The following GPC5 variants were observed in gnomAD, a reference collection of about 807,000 sequenced individuals.
The protein encoded by GPC5 is glypican-5.
GPC5 carries 47 observed loss-of-function variants against 53.9 expected under a neutral mutation model. The observed-to-expected ratio is 0.87, with a 90% CI of 0.69 to 1.11. The LOEUF (loss-of-function observed/expected upper bound fraction) is 1.11, where lower values mean the gene tolerates loss of function less well. Ranked by LOEUF, GPC5 falls within the 50% of genes most tolerant of loss-of-function variation. The probability of loss-of-function intolerance (pLI) is 0.00; values close to 1 mark genes in which losing one functional copy is unlikely to be tolerated. For missense variants in GPC5, 748 were observed against 713.1 expected (o/e 1.05, Z -0.56); for synonymous variants, 286 against 263.3 (o/e 1.09, Z -0.84).
intron 1 of GPC5, among the ~76,000 whole-genome samples, chr13:91,406,541 C>A (rs1877334720): frequency 1.3e-5 from 2 of 152,136 alleles, no homozygotes; most frequent in African/African-American, 4.8e-5. Flanking sequence ...GCTTTGCATA[C>A]CTGATAAAAT....
rs140790450 is a variant in GPC5 at position 91,432,205 on chromosome 13, G to GCTGTGTGTGTA, written c.164-16556_164-16555insCTGTGTGTGTA. ...TTCCACTGCTGCTGCTGCTGCTGCTGTGTGTGTGTGTGTGTGTGTGTGTGT... is the reference window on the plus strand; with the variant it reads ...TTCCACTGCTGCTGCTGCTGCTGCTGCTGTGTGTGTATGTGTGTGTGTGTGTGTGTGTGTGT... On this transcript the variant is annotated intron_variant, in intron 1 of 7. Transcript: ENST00000377067. 4.0e-3 allele frequency among the ~76,000 whole-genome samples: 479 copies of GCTGTGTGTGTA among 119,628 alleles called. 1 individual carries two copies. The highest frequency in any genetic ancestry group is 0.016 in the African/African-American group (466 of 29,644). 78.5% of individuals were successfully genotyped at this position (119,628 alleles called of 152,430 possible).
chr13:91,617,450 G>A (rs937803820), intron 2 of GPC5, among the ~76,000 whole-genome samples: 10 of 152,104 alleles, frequency 6.6e-5, no homozygotes, highest in African/African-American at 2.2e-4. Flanking sequence ...GTTAAGCAAC[G>A]GAAGGACATT....
intron 7 of GPC5, among the ~76,000 whole-genome samples, chr13:92,673,772 C>T (rs530022649): frequency 6.6e-6 from 1 of 152,116 alleles, no homozygotes; most frequent in South Asian, 2.1e-4. Context: ...ATACCACTGA[C>T]CCTTTGTTAA....
chr13:92,745,034 A>G (rs1448589061), intron 7 of GPC5, among the ~76,000 whole-genome samples: 1 of 152,054 alleles, frequency 6.6e-6, no homozygotes, highest in Non-Finnish European at 1.5e-5. Flanking sequence ...TAACTGTAAA[A>G]TTATAAAAAA....
intron 7 of GPC5, among the ~76,000 whole-genome samples, chr13:92,433,200 T>C (rs1450252205): frequency 6.8e-6 from 1 of 147,530 alleles, no homozygotes; most frequent in African/African-American, 2.5e-5. Flanking sequence ...ACCGAGATGG[T>C]GAGAAAGAAT....
chr13:92,483,363 C>T lies in GPC5; in HGVS notation c.1561+338374C>T, dbSNP rs143398844. Among the ~76,000 whole-genome samples, 5 of 152,272 alleles carry T rather than the reference C, an allele frequency of 3.3e-5. No homozygotes were observed. In the East Asian group the frequency reaches 7.7e-4, roughly 24 times the overall value. ...CAAACCTGTATGACATGTTACTGTA[C>T]TGAATAGTGTAGGCAATTGTAACAC... On this transcript the variant is annotated intron_variant, in intron 7 of 7. Coordinates refer to ENST00000377067, the MANE Select transcript of GPC5 (RefSeq NM_004466.6).
At chr13:91,907,026 T>C (rs2039560371) in intron 5 of GPC5, among the ~76,000 whole-genome samples, 1 of 149,822 alleles carries the variant, frequency 6.7e-6, no homozygotes, top group Admixed American at 6.7e-5. Context: ...GTGATCTGCT[T>C]GGAATACTGG....
chr13:92,264,878 CTGTGTGTGTGTGTGTGTGTG>C lies in GPC5; in HGVS notation c.1561+119917_1561+119936del, dbSNP rs71815584. ...GGTCTCTCTCTCTCTCTCTCTCTCT[CTGTGTGTGTGTGTGTGTGTG>C]TGTGTGTGTGTGTGTGTGTGTGTGT... On this transcript the variant is annotated intron_variant, in intron 7 of 7. Transcript: ENST00000377067. Among the ~76,000 whole-genome samples the C allele has an allele frequency of 2.2e-3, 234 of 104,756 alleles. 1 individual carries two copies. The highest frequency in any genetic ancestry group is 7.6e-3 in the African/African-American group (216 of 28,242). The allele number at this position is 104,756 out of a possible 152,430, so 68.7% of individuals were successfully genotyped here. A position where few individuals can be genotyped will look rare whatever the true frequency, so the allele number is the denominator to read the frequency against.
intron 2 of GPC5, among the ~76,000 whole-genome samples, chr13:91,575,980 T>G (rs2032117306): frequency 6.6e-6 from 1 of 152,148 alleles, no homozygotes; most frequent in Non-Finnish European, 1.5e-5. Context: ...TACAGTAATT[T>G]TGGCAACATT....
At chr13:91,713,568 G>T (rs147408925) in intron 3 of GPC5, among the ~76,000 whole-genome samples, 81 of 152,178 alleles carry the variant, frequency 5.3e-4, no homozygotes, top group Non-Finnish European at 9.0e-4. Flanking sequence ...ACATCAGCCT[G>T]GTAGAAATTG....
chr13:92,457,139 G>A lies in GPC5; in HGVS notation c.1561+312150G>A, dbSNP rs542012011. On this transcript the variant is annotated intron_variant, in intron 7 of 7. Transcript: ENST00000377067. Reference sequence around the variant, plus strand: ...TTTCTGCATTAGTTCACTGTTAATGGCCTCCAGCTGCATCCATGTTCTCCA... The same window carrying A: ...TTTCTGCATTAGTTCACTGTTAATGACCTCCAGCTGCATCCATGTTCTCCA... 1.3e-4 allele frequency among the ~76,000 whole-genome samples: 20 copies of A among 152,086 alleles called. No homozygotes were observed. In the South Asian group the frequency reaches 4.2e-3, roughly 32 times the overall value.
chr13:91,637,177 A>C (rs2034305578), intron 2 of GPC5, among the ~76,000 whole-genome samples: 1 of 152,142 alleles, frequency 6.6e-6, no homozygotes, highest in African/African-American at 2.4e-5. Flanking sequence ...TTTCATAGGA[A>C]ACCTTCTTAC....
In GPC5 at chr13:92,212,293, G is replaced by T. The variant is rs187803420; in HGVS notation, c.1561+67304G>T. Among the ~76,000 whole-genome samples the T allele has an allele frequency of 7.9e-5, 12 of 152,176 alleles. 1 individual carries two copies. Among genetic ancestry groups the T allele is most frequent in the Admixed American group, 5.9e-4 (9 of 15,286 alleles). On this transcript the variant is annotated intron_variant, in intron 7 of 7. Transcript: ENST00000377067. ...AAGCAGTTTGCCCAGGATTACAGGG[G>T]TAATAAATGATAGGATCGTGATTTG...
chr13:92,124,937 C>T (rs141692618), intron 6 of GPC5, among the ~76,000 whole-genome samples: 1 of 152,214 alleles, frequency 6.6e-6, no homozygotes, highest in African/African-American at 2.4e-5. Context: ...TGAGCTAGAC[C>T]TGGTGCCTTG....
chr13:91,854,569 C>G (rs928864834), intron 5 of GPC5, among the ~76,000 whole-genome samples: 6 of 151,650 alleles, frequency 4.0e-5, no homozygotes, highest in Non-Finnish European at 7.4e-5. Context: ...TTCCTGGCCT[C>G]TAGTAACTAT....
At chr13:92,390,702 G>A (rs1874955178) in intron 7 of GPC5, among the ~76,000 whole-genome samples, 1 of 151,936 alleles carries the variant, frequency 6.6e-6, no homozygotes, top group Admixed American at 6.6e-5. Context: ...ACTTTTTAAT[G>A]CGTATGTATG....
At chr13:92,063,175 G>A (rs191068061) in intron 6 of GPC5, among the ~76,000 whole-genome samples, 2 of 152,146 alleles carry the variant, frequency 1.3e-5, no homozygotes, top group East Asian at 1.9e-4. Flanking sequence ...GGCACCAACA[G>A]CTAATAAAAT....
chr13:91,899,780 G>T (rs2039478585), intron 5 of GPC5, among the ~76,000 whole-genome samples: 1 of 152,108 alleles, frequency 6.6e-6, no homozygotes, highest in Admixed American at 6.6e-5. Context: ...GCAAATCAAA[G>T]AAGGCCAAGG....
intron 1 of GPC5, among the ~76,000 whole-genome samples, chr13:91,428,215 C>A (rs545020353): frequency 6.6e-6 from 1 of 152,092 alleles, no homozygotes; most frequent in Non-Finnish European, 1.5e-5. Context: ...TGTCTCATGA[C>A]CAAGAGGAAT....
Sources: gnomAD v4.1 joint callset for allele counts (sites outside exome capture counted in the v4.1 genomes callset) on GRCh38, gnomAD v4.1.1 for gene constraint, MANE v1.5 for transcripts, NCBI Gene and HGNC (gene_info 2026-07-23, HGNC 2026-07-21) for gene names.